Variants in AIG1 observed in about 807,000 individuals in gnomAD.
AIG1 encodes the protein androgen-induced gene 1 protein.
AIG1 carries 23 observed loss-of-function variants against 31.4 expected under a neutral mutation model. That is an observed-to-expected ratio of 0.73 (90% CI 0.53 to 1.04). The LOEUF (loss-of-function observed/expected upper bound fraction) is 1.04, where lower values mean the gene tolerates loss of function less well. Ranked by LOEUF, AIG1 falls within the 50% of genes least tolerant of loss-of-function variation. AIG1 has a pLI of 0.00. For missense variants in AIG1, 274 were observed against 295.0 expected, an observed-to-expected ratio of 0.93 and a Z score of 0.52; for synonymous variants, 100 against 110.5, an observed-to-expected ratio of 0.90 and a Z score of 0.60.
chr6:143,200,779 G>A (rs147998082), intron 3 of AIG1, among the ~76,000 whole-genome samples: 105 of 152,090 alleles, frequency 6.9e-4, no homozygotes, highest in African/African-American at 2.4e-3. Flanking sequence ...GGACATTTAC[G>A]TATTGTGTTG....
downstream of AIG1, chr6:143,343,066 G>A (rs1777886811): frequency 5.1e-6 from 4 of 782,288 alleles, no homozygotes; most frequent in East Asian, 9.7e-5. Context: ...ACCATCACTT[G>A]GTGCATCTCG....
At chr6:143,259,766 C>CT (rs1160986484) in intron 3 of AIG1, among the ~76,000 whole-genome samples, 2 of 152,190 alleles carry the variant, frequency 1.3e-5, no homozygotes, top group Non-Finnish European at 2.9e-5. Flanking sequence ...AGGAATGACT[C>CT]TCAATGTTTC....
chr6:143,084,585 G>A (rs183898174), intron 1 of AIG1, among the ~76,000 whole-genome samples: 18 of 152,214 alleles, frequency 1.2e-4, no homozygotes, highest in South Asian at 8.3e-4. Context: ...GGCCTAAGGC[G>A]GACTTTTGAA....
At position 143,187,330 on chromosome 6, in the gene AIG1, C is replaced by G. The variant is rs111610096; in HGVS notation, c.399+22147C>G. 9.1e-4 allele frequency: 1,262 copies of G among 1,388,054 alleles called. 12 individuals carry two copies. Among genetic ancestry groups the G allele is most frequent in the South Asian group, 5.9e-3 (477 of 80,910 alleles). 86.0% of individuals were successfully genotyped at this position (1,388,054 alleles called of 1,614,324 possible). A position where few individuals can be genotyped will look rare whatever the true frequency, so the allele number is the denominator to read the frequency against. On this transcript the variant is annotated intron_variant, in intron 3 of 5. Coordinates refer to ENST00000357847, the MANE Select transcript of AIG1 (RefSeq NM_016108.4). The stretch of plus-strand genomic sequence containing the variant: ...ACACATATGGCAAATATGAACTAAT[C>G]AGACCACAGATATTTTGCTGCATTC...
At chr6:143,140,792 T>A (rs771049075) in intron 2 of AIG1, among the ~76,000 whole-genome samples, 6 of 152,220 alleles carry the variant, frequency 3.9e-5, no homozygotes, top group Non-Finnish European at 7.3e-5. Flanking sequence ...GAAGTAAACA[T>A]CTTCATCACT....
intron 3 of AIG1, among the ~76,000 whole-genome samples, chr6:143,247,037 C>A (rs1794665738): frequency 1.3e-5 from 2 of 152,292 alleles, no homozygotes; most frequent in South Asian, 4.1e-4. Context: ...TTGTTCTGTC[C>A]CCATGGAGTT....
chr6:143,162,476 A>T (rs557401321), intron 2 of AIG1, among the ~76,000 whole-genome samples: 3 of 152,360 alleles, frequency 2.0e-5, no homozygotes, highest in Admixed American at 2.0e-4. Context: ...GTGGGAGCCT[A>T]TGATAAGCAG....
intron 2 of AIG1, among the ~76,000 whole-genome samples, chr6:143,146,392 G>A (rs1784712631): frequency 6.6e-6 from 1 of 151,916 alleles, no homozygotes; most frequent in South Asian, 2.1e-4. Context: ...CCTTGTTTTG[G>A]GGACCAGGGA....
At chr6:143,314,455 T>A (rs185068296) in intron 4 of AIG1, among the ~76,000 whole-genome samples, 1 of 152,234 alleles carries the variant, frequency 6.6e-6, no homozygotes, top group East Asian at 1.9e-4. Flanking sequence ...TTCTGGAACT[T>A]GTAAGTAATT....
Position 143,152,134 on chromosome 6 carries a change from A to G in AIG1, c.298-12948A>G, listed in dbSNP as rs74704568. 8.7e-3 allele frequency among the ~76,000 whole-genome samples: 1,320 copies of G among 152,306 alleles called. 2 individuals are homozygous for G. Among genetic ancestry groups the G allele is most frequent in the African/African-American group, 0.014 (566 of 41,564 alleles). ...GGTCATAGTATTCTGTTACTCTGCT[A>G]CTACACCCAAGGCATCAAATAGAGG... is the stretch of plus-strand genomic sequence containing the variant. On this transcript the variant is annotated intron_variant, in intron 2 of 5. Coordinates refer to ENST00000357847, the MANE Select transcript of AIG1 (RefSeq NM_016108.4).
intron 4 of AIG1, among the ~76,000 whole-genome samples, chr6:143,287,538 A>G (rs1797767665): frequency 6.6e-6 from 1 of 152,134 alleles, no homozygotes; most frequent in African/African-American, 2.4e-5. Flanking sequence ...ATGAATGAAC[A>G]TAGTGAGTTT....
chr6:143,069,607 A>G (rs1022468306), intron 1 of AIG1, among the ~76,000 whole-genome samples: 2 of 152,130 alleles, frequency 1.3e-5, no homozygotes, highest in Admixed American at 6.5e-5. Flanking sequence ...GTGCCTTTTA[A>G]TAATATATTC....
In AIG1 at chr6:143,328,568, C is replaced by T. The variant is rs889960716; in HGVS notation, c.516-4714C>T. On this transcript the variant is annotated intron_variant, in intron 4 of 5. Transcript: ENST00000357847. The surrounding 1 kb of genome is among the most constrained non-coding windows in gnomAD (Gnocchi z 4.0). Reference sequence around the variant, plus strand: ...TCTGTGTTTCTCATTACACTGTACTCCATGAGGACAGGAGTTAGCTCTGCC... The same window carrying T: ...TCTGTGTTTCTCATTACACTGTACTTCATGAGGACAGGAGTTAGCTCTGCC... 1.3e-5 allele frequency among the ~76,000 whole-genome samples: 2 copies of T among 152,192 alleles called. No homozygotes were observed. The highest frequency in any genetic ancestry group is 2.9e-5 in the Non-Finnish European group (2 of 68,046).
intron 3 of AIG1, among the ~76,000 whole-genome samples, chr6:143,220,991 A>ATTGTTGTTG (rs200697142): frequency 6.6e-6 from 1 of 151,692 alleles, no homozygotes; most frequent in African/African-American, 2.4e-5. Context: ...ACTAGTTTTT[A>ATTGTTGTTG]TTGTTGTTGT....
intron 3 of AIG1, among the ~76,000 whole-genome samples, chr6:143,233,812 A>C (rs911274449): frequency 8.5e-5 from 13 of 152,232 alleles, no homozygotes; most frequent in African/African-American, 3.1e-4. Flanking sequence ...AAAACTCTTT[A>C]GGCTGAATTT....
chr6:143,166,268 C>T (rs1421259180), intron 3 of AIG1, among the ~76,000 whole-genome samples: 1 of 152,174 alleles, frequency 6.6e-6, no homozygotes, highest in Non-Finnish European at 1.5e-5. Flanking sequence ...CACCTCTGGT[C>T]TATTTCCAAA....
intron 1 of AIG1, among the ~76,000 whole-genome samples, chr6:143,084,836 A>C (rs914468347): frequency 1.3e-5 from 2 of 152,154 alleles, no homozygotes; most frequent in African/African-American, 4.8e-5. Flanking sequence ...TGTCTGCAGC[A>C]CCAATCTCCA....
chr6:143,245,413 C>T (rs540271606), intron 3 of AIG1, among the ~76,000 whole-genome samples: 1 of 152,146 alleles, frequency 6.6e-6, no homozygotes, highest in Non-Finnish European at 1.5e-5. Flanking sequence ...GATTTTTTCC[C>T]CTGAGGCTCT....
rs1227622573 is a variant in AIG1, at chr6:143,258,120, T to C, written c.400-25990T>C. 1.3e-5 allele frequency among the ~76,000 whole-genome samples: 2 copies of C among 152,188 alleles called. No homozygotes were observed. Among genetic ancestry groups the C allele is most frequent in the African/African-American group, 2.4e-5 (1 of 41,442 alleles). Reference sequence around the variant, plus strand: ...TATCAACAGTATTTGAATCTAGGTATCCCTACTGACAAAGGCCGGACATTT... The same window carrying C: ...TATCAACAGTATTTGAATCTAGGTACCCCTACTGACAAAGGCCGGACATTT... On this transcript the variant is annotated intron_variant, in intron 3 of 5. Coordinates refer to ENST00000357847, the MANE Select transcript of AIG1 (RefSeq NM_016108.4). This position sits in a 1 kb window ranked among gnomAD's most constrained non-coding sequence, Gnocchi z 4.7.
Sources: allele counts gnomAD v4.1 joint callset (sites outside exome capture counted in the v4.1 genomes callset), GRCh38; gene constraint gnomAD v4.1.1; non-coding constraint Gnocchi (gnomAD v3.1); transcripts MANE v1.5; gene names NCBI Gene and HGNC (gene_info 2026-07-23, HGNC 2026-07-21).